KIF26B: variants seen among roughly 807,000 people sequenced by gnomAD.
KIF26B encodes kinesin family member 26B, also known as kinesin-like protein KIF26B.
A neutral mutation model predicts 151.2 loss-of-function variants in KIF26B; 63 were observed. The observed-to-expected ratio is 0.42, with a 90% CI of 0.34 to 0.51. The LOEUF is 0.51. Among genes scored for constraint, KIF26B ranks in the 20% least tolerant of loss-of-function variants. The pLI, the probability that KIF26B is intolerant of heterozygous loss-of-function variation, is 0.07. For missense variants in KIF26B, 2,813 were observed against 2,913.6 expected (o/e 0.97, Z 0.79); for synonymous variants, 1,357 against 1,262.1 (o/e 1.08, Z -1.59).
At chr1:245,381,706 C>T (rs956324153) in intron 3 of KIF26B, among the ~76,000 whole-genome samples, 2 of 152,134 alleles carry the variant, frequency 1.3e-5, no homozygotes, top group African/African-American at 2.4e-5. Context: ...ACTGCAACTC[C>T]ACACCCTTTC....
At chr1:245,644,897 G>A (rs1006169513) in intron 9 of KIF26B, among the ~76,000 whole-genome samples, 5 of 152,318 alleles carry the variant, frequency 3.3e-5, no homozygotes, top group Middle Eastern at 6.8e-3. Context: ...AGTTCTGCAA[G>A]CTATACAAGA....
chr1:245,371,239 T>C (rs1457627703), intron 3 of KIF26B, among the ~76,000 whole-genome samples: 2 of 152,196 alleles, frequency 1.3e-5, no homozygotes. Context: ...GACTGTGTCG[T>C]CCTGATGCCC....
intron 9 of KIF26B, among the ~76,000 whole-genome samples, chr1:245,615,944 G>C (rs1341494737): frequency 2.0e-5 from 3 of 152,196 alleles, no homozygotes; most frequent in Non-Finnish European, 2.9e-5. Context: ...CTGCGGACCT[G>C]GCAGCCAGAA....
At position 245,241,938 on chromosome 1, in the gene KIF26B, C is replaced by T. The variant is rs574905580; in HGVS notation, c.465+85255C>T. On this transcript the variant is annotated intron_variant, in intron 2 of 14. Transcript: ENST00000407071. The surrounding 1 kb of genome is among the most constrained non-coding windows in gnomAD (Gnocchi z 5.0). ...CATCTCCAGCCATTCGAGATGCAGGCGTTGTCATTCCTTGAAATTCTCACG... is the reference window on the plus strand; with the variant it reads ...CATCTCCAGCCATTCGAGATGCAGGTGTTGTCATTCCTTGAAATTCTCACG... Among the ~76,000 whole-genome samples the T allele has an allele frequency of 3.9e-4, 59 of 152,292 alleles. 2 individuals are homozygous for T. In the East Asian group the frequency reaches 0.011, roughly 27 times the overall value.
In KIF26B at chr1:245,488,564, C is replaced by T. The variant is rs1398478633; in HGVS notation, c.1167-52203C>T. 6.6e-6 allele frequency among the ~76,000 whole-genome samples: 1 copy of T among 152,142 alleles called. No homozygotes were observed. The highest frequency in any genetic ancestry group is 1.5e-5 in the Non-Finnish European group (1 of 68,024). On this transcript the variant is annotated intron_variant, in intron 4 of 14. Transcript: ENST00000407071. The surrounding 1 kb of genome is among the most constrained non-coding windows in gnomAD (Gnocchi z 4.6). Reference sequence around the variant, plus strand: ...ACCCCCTCTGCCTCGGGGACAGGCACCTCCTGGTCCACATCCATCCCTGGA... The same window carrying T: ...ACCCCCTCTGCCTCGGGGACAGGCATCTCCTGGTCCACATCCATCCCTGGA...
chr1:245,695,623 C>T (rs1045184853), intron 12 of KIF26B, among the ~76,000 whole-genome samples: 11 of 152,120 alleles, frequency 7.2e-5, no homozygotes, highest in East Asian at 3.9e-4. Context: ...TGAGAGGGAT[C>T]GATGTGGTGA....
rs527275659 is a variant in KIF26B at position 245,367,940 on chromosome 1, G to A, written c.999+573G>A. On this transcript the variant is annotated intron_variant, in intron 3 of 14. Coordinates refer to ENST00000407071, the MANE Select transcript of KIF26B (RefSeq NM_018012.4). This position sits in a 1 kb window ranked among gnomAD's most constrained non-coding sequence, Gnocchi z 4.2. ...AACAGAGATTTTAGATATTAAGTGA[G>A]AGTGAGATGAGTGAGATGCTTTTGA... Among the ~76,000 whole-genome samples, 2 of 152,324 alleles carry A rather than the reference G, an allele frequency of 1.3e-5. No individual in the cohort carries two copies. The highest frequency in any genetic ancestry group is 3.9e-4 in the East Asian group (2 of 5,184).
rs112527467 is a variant in KIF26B at position 245,513,376 on chromosome 1, A to C, written c.1167-27391A>C. ...CGGGAAAACTGCTGAGCAATTAAAAAAAAATACTAGAGTCAAGGTGAAAGA... is the reference window on the plus strand; with the variant it reads ...CGGGAAAACTGCTGAGCAATTAAAACAAAATACTAGAGTCAAGGTGAAAGA... On this transcript the variant is annotated intron_variant, in intron 4 of 14. Transcript: ENST00000407071. 6.1e-3 allele frequency among the ~76,000 whole-genome samples: 931 copies of C among 152,306 alleles called. 2 individuals are homozygous for C. The highest frequency in any genetic ancestry group is 0.014 in the Middle Eastern group (4 of 294).
At chr1:245,311,697 C>T (rs1438302822) in intron 2 of KIF26B, among the ~76,000 whole-genome samples, 1 of 152,186 alleles carries the variant, frequency 6.6e-6, no homozygotes, top group Non-Finnish European at 1.5e-5. Flanking sequence ...CTTTGGGAGG[C>T]CAAGGTGGGT....
At chr1:245,248,633 G>C (rs529566056) in intron 2 of KIF26B, among the ~76,000 whole-genome samples, 98 of 152,184 alleles carry the variant, frequency 6.4e-4, no homozygotes, top group Non-Finnish European at 1.2e-3. Context: ...AGCAGGCTCC[G>C]ATAACACTTT....
At chr1:245,159,328 C>A (rs1421258204) in intron 2 of KIF26B, among the ~76,000 whole-genome samples, 1 of 152,190 alleles carries the variant, frequency 6.6e-6, no homozygotes, top group African/African-American at 2.4e-5. Flanking sequence ...AATAGCACAT[C>A]CAGGAACCTT....
chr1:245,233,812 G>A (rs1241105510), intron 2 of KIF26B, among the ~76,000 whole-genome samples: 1 of 152,180 alleles, frequency 6.6e-6, no homozygotes, highest in Non-Finnish European at 1.5e-5. Context: ...GTTCAGTAGA[G>A]TGCCCAGCTT....
chr1:245,532,221 T>C (rs1227907378), intron 4 of KIF26B, among the ~76,000 whole-genome samples: 1 of 95,476 alleles, frequency 1.0e-5, no homozygotes, highest in Non-Finnish European at 2.2e-5. Context: ...AAATTCTTTT[T>C]TCTTTTCTTT....
At chr1:245,418,587 A>T (rs1201932397) in intron 3 of KIF26B, among the ~76,000 whole-genome samples, 20 of 152,204 alleles carry the variant, frequency 1.3e-4, no homozygotes, top group Admixed American at 1.3e-3. Context: ...GCTTTATTGC[A>T]CTTGTATTTA....
intron 3 of KIF26B, among the ~76,000 whole-genome samples, chr1:245,368,607 G>A (rs1175313245): frequency 6.6e-6 from 1 of 152,044 alleles, no homozygotes; most frequent in Non-Finnish European, 1.5e-5. Context: ...TCTCACTTGG[G>A]TCTGTCATAG....
At chr1:245,549,844 G>A (rs527993585) in intron 5 of KIF26B, among the ~76,000 whole-genome samples, 7 of 151,652 alleles carry the variant, frequency 4.6e-5, no homozygotes, top group Non-Finnish European at 1.0e-4. Context: ...GCAATGGCAC[G>A]ATCTTGGCTC....
At chr1:245,524,049 C>G (rs1661186415) in intron 4 of KIF26B, among the ~76,000 whole-genome samples, 1 of 152,142 alleles carries the variant, frequency 6.6e-6, no homozygotes, top group South Asian at 2.1e-4. Flanking sequence ...TAATTTAAAT[C>G]TTAAAATATA....
At chr1:245,577,290 C>T (rs2043127354) in intron 5 of KIF26B, among the ~76,000 whole-genome samples, 1 of 152,084 alleles carries the variant, frequency 6.6e-6, no homozygotes, top group Non-Finnish European at 1.5e-5. Context: ...CCAGTAGCAC[C>T]CTCCAAGTTG....
intron 3 of KIF26B, among the ~76,000 whole-genome samples, chr1:245,371,142 TC>T (rs1673110382): frequency 6.6e-6 from 1 of 152,120 alleles, no homozygotes; most frequent in African/African-American, 2.4e-5. Context: ...TTCATGCATT[TC>T]CCCTCAGTAA....
Sources: gnomAD v4.1 joint callset for allele counts (sites outside exome capture counted in the v4.1 genomes callset) on GRCh38, gnomAD v4.1.1 for gene constraint, Gnocchi (gnomAD v3.1) non-coding constraint, MANE v1.5 for transcripts, NCBI Gene and HGNC (gene_info 2026-07-23, HGNC 2026-07-21) for gene names.